RNF187: variants seen among roughly 807,000 people sequenced by gnomAD.
RNF187 encodes E3 ubiquitin-protein ligase RNF187.
In RNF187, 18 loss-of-function variants were observed where a neutral mutation model predicts 22.2. The ratio of observed to expected loss-of-function variants is 0.81; its 90% CI spans 0.56 to 1.20. The LOEUF is 1.20. RNF187 is among the 50% of genes most tolerant of loss of function. RNF187 has a pLI of 0.00. For missense variants in RNF187, 329 were observed against 317.6 expected (o/e 1.04, Z -0.27); for synonymous variants, 164 against 140.9 (o/e 1.16, Z -1.16).
rs1190500606 is a variant in RNF187, at chr1:228,487,488, C to A, written c.-1C>A. 2.7e-6 allele frequency: 3 copies of A among 1,125,914 alleles called. No individual in the cohort carries two copies. Among genetic ancestry groups the A allele is most frequent in the Non-Finnish European group, 3.3e-6 (3 of 922,810 alleles). 69.7% of individuals were successfully genotyped at this position (1,125,914 alleles called of 1,614,324 possible). A position where few individuals can be genotyped will look rare whatever the true frequency, so the allele number is the denominator to read the frequency against. On this transcript the variant is annotated 5_prime_UTR_variant, in exon 1 of 4. Transcript: ENST00000305943. ...CCTTGCCGGCCCCGCCGCCCGCAGC[C>A]CTGGCGCTCCCTGCGGGCCCCGCCG... is the stretch of plus-strand genomic sequence containing the variant.
Position 228,493,256 on chromosome 1 carries a change from C to T in RNF187, c.687C>T (p.Gly229=). The change falls in exon 3 of 4, where the codon GGC becomes GGT. Residue 229 remains glycine, a synonymous_variant. Transcript: ENST00000305943. The surrounding 1 kb of genome is among the most constrained non-coding windows in gnomAD (Gnocchi z 4.7). ...TGGAGAAGAAGCATCGCAACCTGGG[C>T]CTCAGCATGCTGCTGCAGGTGCGGG... The T allele has an allele frequency of 1.3e-6, 2 of 1,550,478 alleles. No individual in the cohort carries two copies.
rs558425555 is a variant in RNF187, at chr1:228,493,225, C to G, written c.656C>G (p.Ser219Trp). The change falls in exon 3 of 4, where the codon TCG (serine) becomes TGG (tryptophan). Residue 219 changes from serine (S) to tryptophan (W), a missense_variant. Transcript: ENST00000305943. This position sits in a 1 kb window ranked among gnomAD's most constrained non-coding sequence, Gnocchi z 4.7. Reference sequence around the variant, plus strand: ...TTCAGGTCACTGCTGCAGGCGGTCTCGGAGCTGGAGAAGAAGCATCGCAAC... The same window carrying G: ...TTCAGGTCACTGCTGCAGGCGGTCTGGGAGCTGGAGAAGAAGCATCGCAAC... 2 of 1,551,486 alleles carry G rather than the reference C, an allele frequency of 1.3e-6. No homozygotes were observed. The highest frequency in any genetic ancestry group is 2.0e-5 in the Admixed American group (1 of 51,008).
chr1:228,494,530 C>T lies in RNF187; in HGVS notation c.*645C>T. The T allele has an allele frequency of 1.0e-6, 1 of 986,208 alleles. No individual in the cohort carries two copies. Among genetic ancestry groups the T allele is most frequent in the Non-Finnish European group, 1.2e-6 (1 of 830,526 alleles). 61.1% of individuals were successfully genotyped at this position (986,208 alleles called of 1,614,324 possible). ...GTGCCTCCCAGGAGCCCTCCCTGTG[C>T]TCCACCTGCCTCCGCAGAAGGAAGC... On this transcript the variant is annotated 3_prime_UTR_variant, in exon 4 of 4. Coordinates refer to ENST00000305943, the MANE Select transcript of RNF187 (RefSeq NM_001010858.3).
chr1:228,495,255 C>T lies in RNF187; in HGVS notation c.*1370C>T. On this transcript the variant is annotated 3_prime_UTR_variant, in exon 4 of 4. Coordinates refer to ENST00000305943, the MANE Select transcript of RNF187 (RefSeq NM_001010858.3). ...AGGGCTGAGGGGGCTCTGGCTAAAC[C>T]CACCTCACAGAGTCCTTGCTGCAGG... 4.4e-6 allele frequency: 1 copy of T among 226,628 alleles called. No homozygotes were observed. Among genetic ancestry groups the T allele is most frequent in the Non-Finnish European group, 7.3e-6 (1 of 136,310 alleles). The allele number at this position is 226,628 out of a possible 1,614,324, so 14.0% of individuals were successfully genotyped here.
chr1:228,494,056 G>C lies in RNF187; in HGVS notation c.*171G>C. Reference sequence around the variant, plus strand: ...CCATTTATCCTTCACCCCGAGGCGTGTTTTGGGGGCTGCAAACACCTCCCG... The same window carrying C: ...CCATTTATCCTTCACCCCGAGGCGTCTTTTGGGGGCTGCAAACACCTCCCG... On this transcript the variant is annotated 3_prime_UTR_variant, in exon 4 of 4. Coordinates refer to ENST00000305943, the MANE Select transcript of RNF187 (RefSeq NM_001010858.3). 2.3e-5 allele frequency: 34 copies of C among 1,510,764 alleles called. No homozygotes were observed. The highest frequency in any genetic ancestry group is 2.9e-5 in the Non-Finnish European group (33 of 1,129,566). 93.6% of individuals were successfully genotyped at this position (1,510,764 alleles called of 1,614,324 possible). A position where few individuals can be genotyped will look rare whatever the true frequency, so the allele number is the denominator to read the frequency against.
At chr1:228,488,297 T>TG in intron 1 of RNF187, 1 of 153,138 alleles carries the variant, frequency 6.5e-6, no homozygotes, top group Middle Eastern at 3.1e-3. Context: ...ACTCTTCCCT[T>TG]GGGGGAGACA....
intron 2 of RNF187, among the ~76,000 whole-genome samples, chr1:228,492,545 C>A: frequency 2.0e-5 from 3 of 150,220 alleles, no homozygotes; most frequent in Non-Finnish European, 4.4e-5. Flanking sequence ...TGGTCTTAAT[C>A]TCCGGACCTC....
intron 2 of RNF187, among the ~76,000 whole-genome samples, chr1:228,491,045 C>T: frequency 6.6e-6 from 1 of 152,122 alleles, no homozygotes. Context: ...AACTCTATTT[C>T]TCCCCTTTTA....
Position 228,495,126 on chromosome 1 carries a change from G to A in RNF187, c.*1241G>A. The A allele has an allele frequency of 2.6e-6, 2 of 782,976 alleles. No individual in the cohort carries two copies. Among genetic ancestry groups the A allele is most frequent in the Admixed American group, 1.2e-4 (2 of 16,050 alleles). The allele number at this position is 782,976 out of a possible 1,614,324, so 48.5% of individuals were successfully genotyped here. On this transcript the variant is annotated 3_prime_UTR_variant, in exon 4 of 4. Transcript: ENST00000305943. The stretch of plus-strand genomic sequence containing the variant: ...GATGGGTGTGGGACCCTTTCCTTGG[G>A]GCCTGGGGGGAGATGGGGCTCCACC...
intron 2 of RNF187, among the ~76,000 whole-genome samples, chr1:228,489,839 A>G: frequency 1.3e-5 from 2 of 152,166 alleles, no homozygotes; most frequent in Admixed American, 6.5e-5. Flanking sequence ...TCACCTCCCA[A>G]GGGTCCTGCC....
Position 228,493,304 on chromosome 1 carries a change from A to G in RNF187, c.705+30A>G. On this transcript the variant is annotated intron_variant, in intron 3 of 3. Transcript: ENST00000305943. The surrounding 1 kb of genome is among the most constrained non-coding windows in gnomAD (Gnocchi z 4.7). ...GGGAGCCCCGCTGGGTCTGCCCACC[A>G]TCGGGCCAGGGTGGACGCAGGCAGC... 6.5e-7 allele frequency: 1 copy of G among 1,539,934 alleles called. No homozygotes were observed. The highest frequency in any genetic ancestry group is 1.2e-5 in the South Asian group (1 of 83,470).
In RNF187 at chr1:228,487,463, C is replaced by G; in HGVS notation, c.-26C>G. ...CGGCCCTCCCCAGCCGCTCCTGCGC[C>G]CTTGCCGGCCCCGCCGCCCGCAGCC... On this transcript the variant is annotated 5_prime_UTR_variant, in exon 1 of 4. Transcript: ENST00000305943. 2 of 1,108,164 alleles carry G rather than the reference C, an allele frequency of 1.8e-6. No individual in the cohort carries two copies. The highest frequency in any genetic ancestry group is 2.2e-6 in the Non-Finnish European group (2 of 911,212). The allele number at this position is 1,108,164 out of a possible 1,614,324, so 68.6% of individuals were successfully genotyped here. A position where few individuals can be genotyped will look rare whatever the true frequency, so the allele number is the denominator to read the frequency against.
Position 228,493,395 on chromosome 1 carries a change from G to C in RNF187, c.705+121G>C. 1 of 1,451,854 alleles carries C rather than the reference G, an allele frequency of 6.9e-7. No individual in the cohort carries two copies. Among genetic ancestry groups the C allele is most frequent in the East Asian group, 2.5e-5 (1 of 40,092 alleles). 89.9% of individuals were successfully genotyped at this position (1,451,854 alleles called of 1,614,324 possible). A position where few individuals can be genotyped will look rare whatever the true frequency, so the allele number is the denominator to read the frequency against. On this transcript the variant is annotated intron_variant, in intron 3 of 3. Coordinates refer to ENST00000305943, the MANE Select transcript of RNF187 (RefSeq NM_001010858.3). This position sits in a 1 kb window ranked among gnomAD's most constrained non-coding sequence, Gnocchi z 4.7. The stretch of plus-strand genomic sequence containing the variant: ...AAAGCCCAGCCTGACTCCCACTGCC[G>C]TGGCCTTGCAGGGCTGAATTTCGGG...
Position 228,495,870 on chromosome 1 carries a change from A to T in RNF187, c.*1985A>T. 1.7e-6 allele frequency: 1 copy of T among 575,064 alleles called. No homozygotes were observed. The allele number at this position is 575,064 out of a possible 1,614,324, so 35.6% of individuals were successfully genotyped here. On this transcript the variant is annotated 3_prime_UTR_variant, in exon 4 of 4. Transcript: ENST00000305943. ...TTTGAAATCTACACTCAGCAATTTC[A>T]AATACAGTCATCCCTCTGTGCCTAA...
chr1:228,488,992 G>A lies in RNF187; in HGVS notation c.423G>A (p.Lys141=). 1 of 1,550,998 alleles carries A rather than the reference G, an allele frequency of 6.4e-7. No homozygotes were observed. Among genetic ancestry groups the A allele is most frequent in the Non-Finnish European group, 8.7e-7 (1 of 1,146,946 alleles). The stretch of plus-strand genomic sequence containing the variant: ...AGGGGTCTGTGGAAATCATGAGAAA[G>A]GACTTGAATGACGCCCGGGACCTGC... Residue 141 remains lysine (K), a synonymous_variant, in exon 2 of 4, where the codon AAG becomes AAA. Coordinates refer to ENST00000305943, the MANE Select transcript of RNF187 (RefSeq NM_001010858.3).
At position 228,493,772 on chromosome 1, in the gene RNF187, G is replaced by A; in HGVS notation, c.706-111G>A. 17 of 1,157,164 alleles carry A rather than the reference G, an allele frequency of 1.5e-5. No individual in the cohort carries two copies. In the Admixed American group the frequency reaches 1.8e-4, roughly 12 times the overall value. The allele number at this position is 1,157,164 out of a possible 1,614,324, so 71.7% of individuals were successfully genotyped here. A position where few individuals can be genotyped will look rare whatever the true frequency, so the allele number is the denominator to read the frequency against. On this transcript the variant is annotated intron_variant, in intron 3 of 3. Coordinates refer to ENST00000305943, the MANE Select transcript of RNF187 (RefSeq NM_001010858.3). This position sits in a 1 kb window ranked among gnomAD's most constrained non-coding sequence, Gnocchi z 4.7. ...TTGTGCTCAGGACAGTACCTCATGC[G>A]CTGTCTCATGTGCGCTCTCTCTTTC...
chr1:228,489,779 T>G, intron 2 of RNF187, among the ~76,000 whole-genome samples: 1 of 152,208 alleles, frequency 6.6e-6, no homozygotes, highest in African/African-American at 2.4e-5. Context: ...CTGGGGCCTT[T>G]GTGTAAGGAC....
Position 228,495,659 on chromosome 1 carries a change from G to A in RNF187, c.*1774G>A. 1.5e-5 allele frequency: 15 copies of A among 985,470 alleles called. No homozygotes were observed. Among genetic ancestry groups the A allele is most frequent in the Non-Finnish European group, 1.8e-5 (15 of 829,952 alleles). 61.0% of individuals were successfully genotyped at this position (985,470 alleles called of 1,614,324 possible). A position where few individuals can be genotyped will look rare whatever the true frequency, so the allele number is the denominator to read the frequency against. On this transcript the variant is annotated 3_prime_UTR_variant, in exon 4 of 4. Coordinates refer to ENST00000305943, the MANE Select transcript of RNF187 (RefSeq NM_001010858.3). ...TCAGTGTCTCCACATCACCAGGTCC[G>A]ACAGTGGCTTCACCATCCTCACCTA...
chr1:228,492,374 G>T, intron 2 of RNF187, among the ~76,000 whole-genome samples: 218 of 148,966 alleles, frequency 1.5e-3, no homozygotes, highest in East Asian at 5.3e-3. Context: ...TTTTTTTTTT[G>T]TTTTTTGTTT....
Sources: allele counts gnomAD v4.1 joint callset (sites outside exome capture counted in the v4.1 genomes callset), GRCh38; gene constraint gnomAD v4.1.1; non-coding constraint Gnocchi (gnomAD v3.1); transcripts MANE v1.5; gene names NCBI Gene and HGNC (gene_info 2026-07-23, HGNC 2026-07-21).